WSCD2: variants seen among roughly 807,000 people sequenced by gnomAD.
The protein encoded by WSCD2 is sialate:O-sulfotransferase 2.
In WSCD2, 28 loss-of-function variants were observed where a neutral mutation model predicts 55.7. That is an observed-to-expected ratio of 0.50 (90% CI 0.37 to 0.69). WSCD2 has a LOEUF of 0.69. WSCD2 is among the 30% of genes least tolerant of loss of function. The pLI, the probability that WSCD2 is intolerant of heterozygous loss-of-function variation, is 0.00. For missense variants in WSCD2, 616 were observed against 762.1 expected (o/e 0.81, Z 2.26); for synonymous variants, 301 against 301.9 (o/e 1.00, Z 0.03).
chr12:108,213,861 C>T (rs1176086477), intron 4 of WSCD2, among the ~76,000 whole-genome samples: 1 of 152,164 alleles, frequency 6.6e-6, no homozygotes, highest in Non-Finnish European at 1.5e-5. Flanking sequence ...GTTCAGAACA[C>T]CATCTCTCTT....
intron 1 of WSCD2, among the ~76,000 whole-genome samples, chr12:108,175,030 C>A (rs1880641098): frequency 6.6e-6 from 1 of 152,090 alleles, no homozygotes; most frequent in South Asian, 2.1e-4. Flanking sequence ...TGATGGTGGT[C>A]TTGGAAGGGA....
intron 6 of WSCD2, 120 bp downstream of exon 6, chr12:108,227,284 G>C (rs1187603033): frequency 8.2e-6 from 10 of 1,223,682 alleles, no homozygotes; most frequent in Non-Finnish European, 1.0e-5. Context: ...GCAAGCCAGA[G>C]GGCAGGGCTG....
At position 108,240,441 on chromosome 12, in the gene WSCD2, C is replaced by T; in HGVS notation, c.1242C>T (p.Ala414=). Residue 414 remains alanine, a synonymous_variant, in exon 8 of 9, where the codon GCC becomes GCT. Coordinates refer to ENST00000547525, the MANE Select transcript of WSCD2 (RefSeq NM_014653.4). The stretch of plus-strand genomic sequence containing the variant: ...AAGAGATCGAGGCCTTCGACGCCGC[C>T]ATCCTGCTCATCCGCAACCCCTACA... The part of the protein sequence containing the change: ...GQKEIEAFDA[A]ILLIRNPYKA... The T allele has an allele frequency of 6.2e-7, 1 of 1,614,152 alleles. No homozygotes were observed. Among genetic ancestry groups the T allele is most frequent in the East Asian group, 2.2e-5 (1 of 44,882 alleles).
In WSCD2 at chr12:108,196,209, A is replaced by G; in HGVS notation, c.377A>G (p.Glu126Gly). ...KGRVVREKEE[E>G]RAKYIGCYLD... ...AGGGTTGTCCGGGAGAAGGAGGAAG[A>G]GCGAGGTAAGAGCGAGGAACATCTG... Residue 126 changes from glutamate to glycine, a missense_variant, in exon 2 of 9, where the codon GAG (glutamate) becomes GGG (glycine). By Grantham distance (98) the Glu-to-Gly change is moderately conservative (BLOSUM62 -2). This residue lies in a region of WSCD2 where 374 missense variants were observed against 467.4 expected (regional missense o/e 0.80). Coordinates refer to ENST00000547525, the MANE Select transcript of WSCD2 (RefSeq NM_014653.4). 6.2e-7 allele frequency: 1 copy of G among 1,612,560 alleles called. No homozygotes were observed. Among genetic ancestry groups the G allele is most frequent in the Non-Finnish European group, 8.5e-7 (1 of 1,179,282 alleles).
At chr12:108,221,820 G>A (rs553885177) in intron 4 of WSCD2, among the ~76,000 whole-genome samples, 1 of 152,292 alleles carries the variant, frequency 6.6e-6, no homozygotes, top group Non-Finnish European at 1.5e-5. Flanking sequence ...TATATGTGGG[G>A]AAACTGAGGC....
intron 1 of WSCD2, among the ~76,000 whole-genome samples, chr12:108,145,719 G>A (rs1877315488): frequency 6.6e-6 from 1 of 152,196 alleles, no homozygotes; most frequent in African/African-American, 2.4e-5. Context: ...AGGAACTGCT[G>A]AAATGTCCAT....
chr12:108,168,390 C>G (rs1419449832), intron 1 of WSCD2, among the ~76,000 whole-genome samples: 1 of 152,152 alleles, frequency 6.6e-6, no homozygotes, highest in Non-Finnish European at 1.5e-5. Flanking sequence ...TTAAATGTCC[C>G]TTTACTCTGC....
Position 108,250,137 on chromosome 12 carries a change from G to A in WSCD2, c.*1794G>A, listed in dbSNP as rs1057003722. 5 of 152,014 alleles carry A rather than the reference G, an allele frequency of 3.3e-5. No homozygotes were observed. The highest frequency in any genetic ancestry group is 7.3e-5 in the Non-Finnish European group (5 of 68,114). 9.4% of individuals were successfully genotyped at this position (152,014 alleles called of 1,614,324 possible). ...TGATTCTACCATGTGGTAGAGTGTT[G>A]TGTAAGACAGGTTCACAAATGGGAT... On this transcript the variant is annotated 3_prime_UTR_variant, in exon 9 of 9. Coordinates refer to ENST00000547525, the MANE Select transcript of WSCD2 (RefSeq NM_014653.4).
Position 108,248,224 on chromosome 12 carries a change from G to A in WSCD2, c.1579G>A (p.Glu527Lys), listed in dbSNP as rs779795447. The A allele has an allele frequency of 1.7e-5, 27 of 1,614,086 alleles. No individual in the cohort carries two copies. The highest frequency in any genetic ancestry group is 1.1e-4 in the South Asian group (10 of 91,088). ...CAAGCGCTCAGGGCTCCGGAAGCTC[G>A]AGTATGACCCCTATACTGCGGACAT... Reference protein sequence around the residue: ...NFKRSGLRKLEYDPYTADMQK... With the variant: ...NFKRSGLRKLKYDPYTADMQK... Residue 527 changes from glutamate (E) to lysine (K), a missense_variant, in exon 9 of 9, where the codon GAG (glutamate) becomes AAG (lysine). This residue lies in a region of WSCD2 where 234 missense variants were observed against 264.6 expected (regional missense o/e 0.88). Transcript: ENST00000547525. The surrounding 1 kb of genome is among the most constrained non-coding windows in gnomAD (Gnocchi z 4.3).
intron 2 of WSCD2, among the ~76,000 whole-genome samples, chr12:108,201,427 A>G (rs1884662610): frequency 6.7e-6 from 1 of 150,294 alleles, no homozygotes; most frequent in African/African-American, 2.4e-5. Flanking sequence ...TCATAACAAA[A>G]TTCCATCTGC....
intron 6 of WSCD2, among the ~76,000 whole-genome samples, chr12:108,231,784 G>A (rs983671693): frequency 2.6e-5 from 4 of 152,138 alleles, no homozygotes; most frequent in African/African-American, 7.2e-5. Flanking sequence ...CTGACCACAC[G>A]ACTAATTGCA....
intron 8 of WSCD2, among the ~76,000 whole-genome samples, chr12:108,245,210 A>G (rs1448608988): frequency 6.6e-6 from 1 of 150,618 alleles, no homozygotes; most frequent in Non-Finnish European, 1.5e-5. Context: ...TCTGCCTTCA[A>G]TGCCCGTTGT....
Position 108,248,425 on chromosome 12 carries a change from C to T in WSCD2, c.*82C>T, listed in dbSNP as rs1890238245. 2.0e-6 allele frequency: 3 copies of T among 1,506,032 alleles called. No individual in the cohort carries two copies. Among genetic ancestry groups the T allele is most frequent in the Non-Finnish European group, 2.7e-6 (3 of 1,126,728 alleles). The allele number at this position is 1,506,032 out of a possible 1,614,324, so 93.3% of individuals were successfully genotyped here. A position where few individuals can be genotyped will look rare whatever the true frequency, so the allele number is the denominator to read the frequency against. On this transcript the variant is annotated 3_prime_UTR_variant, in exon 9 of 9. Transcript: ENST00000547525. This position sits in a 1 kb window ranked among gnomAD's most constrained non-coding sequence, Gnocchi z 4.3. ...CTCAAGACCCCTGGTTACCCCCACT[C>T]ATCTGTCCTCTCTTTGGTCTGGGGA...
intron 1 of WSCD2, among the ~76,000 whole-genome samples, chr12:108,142,232 A>G (rs1412160508): frequency 6.6e-6 from 1 of 152,204 alleles, no homozygotes; most frequent in Non-Finnish European, 1.5e-5. Flanking sequence ...CACTGGGTAA[A>G]TGCCACAGAA....
At chr12:108,141,581 G>A (rs76373264) in intron 1 of WSCD2, among the ~76,000 whole-genome samples, 2,619 of 152,256 alleles carry the variant, frequency 0.017, 68 homozygotes, top group African/African-American at 0.059. Context: ...GTCTGCTTCC[G>A]TCATCACATC....
At chr12:108,204,740 A>G (rs1183442900) in intron 2 of WSCD2, among the ~76,000 whole-genome samples, 3 of 152,244 alleles carry the variant, frequency 2.0e-5, no homozygotes, top group Non-Finnish European at 4.4e-5. Context: ...ATTCAAGGTG[A>G]TCAGGTCAAG....
intron 1 of WSCD2, among the ~76,000 whole-genome samples, chr12:108,150,929 A>G: frequency 6.6e-6 from 1 of 151,142 alleles, no homozygotes; most frequent in Non-Finnish European, 1.5e-5. Context: ...CCACCTCACA[A>G]CCCTTCCTCT....
chr12:108,240,946 C>G (rs1889695128), intron 8 of WSCD2, among the ~76,000 whole-genome samples: 1 of 152,178 alleles, frequency 6.6e-6, no homozygotes, highest in South Asian at 2.1e-4. Flanking sequence ...TTTACAAACA[C>G]TCAGTAGGTG....
At chr12:108,147,226 A>G (rs1877483333) in intron 1 of WSCD2, among the ~76,000 whole-genome samples, 1 of 152,260 alleles carries the variant, frequency 6.6e-6, no homozygotes, top group South Asian at 2.1e-4. Context: ...CATGCTCAGC[A>G]AGCACTTTGC....
Sources: allele counts gnomAD v4.1 joint callset (sites outside exome capture counted in the v4.1 genomes callset), GRCh38; gene constraint gnomAD v4.1.1; regional missense constraint gnomAD v4.1.1; non-coding constraint Gnocchi (gnomAD v3.1); transcripts MANE v1.5; gene names NCBI Gene and HGNC (gene_info 2026-07-23, HGNC 2026-07-21).